Variants in PTPRG observed in about 807,000 individuals in gnomAD.
PTPRG encodes protein tyrosine phosphatase receptor type G.
A neutral mutation model predicts 165.3 loss-of-function variants in PTPRG; 102 were observed. The ratio of observed to expected loss-of-function variants is 0.62; its 90% CI spans 0.53 to 0.73. PTPRG has a LOEUF of 0.73. PTPRG is among the 30% of genes least tolerant of loss of function. The pLI is 0.00. For missense variants in PTPRG, 1,866 were observed against 1,861.4 expected, an observed-to-expected ratio of 1.00 and a Z score of -0.05; for synonymous variants, 675 against 669.5, an observed-to-expected ratio of 1.01 and a Z score of -0.13.
intron 1 of PTPRG, among the ~76,000 whole-genome samples, chr3:61,634,181 A>G (rs1354557158): frequency 6.6e-6 from 1 of 151,812 alleles, no homozygotes; most frequent in Non-Finnish European, 1.5e-5. Context: ...ATCTATATAC[A>G]TTAATTTCTT....
At chr3:62,227,049 G>A (rs1349417134) in intron 13 of PTPRG, among the ~76,000 whole-genome samples, 1 of 152,160 alleles carries the variant, frequency 6.6e-6, no homozygotes, top group Non-Finnish European at 1.5e-5. Flanking sequence ...GGGGATTTGT[G>A]TTGGCATAAT....
At chr3:61,587,058 C>T (rs954719804) in intron 1 of PTPRG, among the ~76,000 whole-genome samples, 2 of 152,136 alleles carry the variant, frequency 1.3e-5, no homozygotes, top group Non-Finnish European at 2.9e-5. Context: ...TTATGTTACT[C>T]ACAGCAGAAA....
At chr3:61,598,506 A>T (rs1329977384) in intron 1 of PTPRG, among the ~76,000 whole-genome samples, 1 of 152,016 alleles carries the variant, frequency 6.6e-6, no homozygotes, top group Non-Finnish European at 1.5e-5. Context: ...TAGAGTGAAG[A>T]GCTATAAGAC....
chr3:61,591,312 C>CT (rs1700563688), intron 1 of PTPRG, among the ~76,000 whole-genome samples: 1 of 152,180 alleles, frequency 6.6e-6, no homozygotes, highest in African/African-American at 2.4e-5. Context: ...AAGATTCAGT[C>CT]TCCATTAGCT....
rs1701482628 is a variant in PTPRG at position 62,254,140 on chromosome 3, C to T, written c.2468-984C>T. Among the ~76,000 whole-genome samples, 1 of 152,196 alleles carries T rather than the reference C, an allele frequency of 6.6e-6. No individual in the cohort carries two copies. Among genetic ancestry groups the T allele is most frequent in the Non-Finnish European group, 1.5e-5 (1 of 68,034 alleles). Reference sequence around the variant, plus strand: ...TCTTGCCAAAGTAGGACCTCATTTACACATACAGATCTTCATACCCTTTGC... The same window carrying T: ...TCTTGCCAAAGTAGGACCTCATTTATACATACAGATCTTCATACCCTTTGC... On this transcript the variant is annotated intron_variant, in intron 15 of 29. Transcript: ENST00000474889. The surrounding 1 kb of genome is among the most constrained non-coding windows in gnomAD (Gnocchi z 4.6).
chr3:62,194,696 G>C (rs926244371), intron 9 of PTPRG, among the ~76,000 whole-genome samples: 1 of 152,046 alleles, frequency 6.6e-6, no homozygotes, highest in Non-Finnish European at 1.5e-5. Context: ...CCAGCTACTC[G>C]GGAGGCTGAG....
intron 2 of PTPRG, among the ~76,000 whole-genome samples, chr3:61,918,244 G>A (rs1416393310): frequency 6.6e-6 from 1 of 152,076 alleles, no homozygotes; most frequent in Admixed American, 6.5e-5. Context: ...TGAAAGTGAG[G>A]CATTCTCAGG....
chr3:62,256,019 A>T (rs1479702747), intron 16 of PTPRG, among the ~76,000 whole-genome samples: 1 of 152,164 alleles, frequency 6.6e-6, no homozygotes, highest in Non-Finnish European at 1.5e-5. Flanking sequence ...CATCTCTGGC[A>T]GCAAGAGTTG....
chr3:61,681,846 G>C (rs1027009355), intron 1 of PTPRG, among the ~76,000 whole-genome samples: 2 of 152,068 alleles, frequency 1.3e-5, no homozygotes, highest in Admixed American at 1.3e-4. Context: ...TCATTTTCTT[G>C]ATGACTGAAA....
chr3:62,104,052 A>G (rs1217874999), intron 5 of PTPRG, among the ~76,000 whole-genome samples: 1 of 152,208 alleles, frequency 6.6e-6, no homozygotes, highest in African/African-American at 2.4e-5. Flanking sequence ...AGTATTAGGT[A>G]TATTTTTGTT....
chr3:61,856,443 A>T (rs1178848018), intron 2 of PTPRG, among the ~76,000 whole-genome samples: 2 of 152,180 alleles, frequency 1.3e-5, no homozygotes, highest in African/African-American at 4.8e-5. Context: ...TTACATGGAA[A>T]CGAAGCCCAC....
At position 62,281,552 on chromosome 3, in the gene PTPRG, G is replaced by A. The variant is rs200578048; in HGVS notation, c.3766-11G>A. The stretch of plus-strand genomic sequence containing the variant: ...AACTGCAGAGGCTTTTTTTTTTTTT[G>A]GATTCCAAAGGCAGAAGATGAGTTT... On this transcript the variant is annotated splice_polypyrimidine_tract_variant and intron_variant, in intron 26 of 29. Coordinates refer to ENST00000474889, the MANE Select transcript of PTPRG (RefSeq NM_002841.4). 2 of 199,900 alleles carry A rather than the reference G, an allele frequency of 1.0e-5. No homozygotes were observed. The highest frequency in any genetic ancestry group is 1.4e-5 in the Non-Finnish European group (2 of 145,278). The allele number at this position is 199,900 out of a possible 1,614,324, so 12.4% of individuals were successfully genotyped here. A position where few individuals can be genotyped will look rare whatever the true frequency, so the allele number is the denominator to read the frequency against.
intron 1 of PTPRG, among the ~76,000 whole-genome samples, chr3:61,589,856 T>C (rs956015383): frequency 2.0e-5 from 3 of 151,888 alleles, no homozygotes; most frequent in African/African-American, 7.3e-5. Context: ...AAAATGAAAG[T>C]CGAATATGGA....
chr3:62,086,944 C>T (rs115913636), intron 5 of PTPRG, among the ~76,000 whole-genome samples: 68 of 152,226 alleles, frequency 4.5e-4, no homozygotes, highest in African/African-American at 1.5e-3. Flanking sequence ...TAATTATTGG[C>T]GAAGCATTAC....
intron 4 of PTPRG, among the ~76,000 whole-genome samples, chr3:62,043,754 C>T (rs1340945013): frequency 6.6e-6 from 1 of 152,106 alleles, no homozygotes; most frequent in Non-Finnish European, 1.5e-5. Flanking sequence ...AAAGGATAGA[C>T]TCTTGAGTTC....
At chr3:62,038,829 A>G (rs549428707) in intron 4 of PTPRG, among the ~76,000 whole-genome samples, 1 of 152,286 alleles carries the variant, frequency 6.6e-6, no homozygotes, top group Non-Finnish European at 1.5e-5. Context: ...CTTCAGGAGT[A>G]CATGTGCAGG....
At chr3:61,694,027 G>GA (rs1191899839) in intron 1 of PTPRG, among the ~76,000 whole-genome samples, 2 of 115,400 alleles carry the variant, frequency 1.7e-5, no homozygotes, top group African/African-American at 2.9e-5. Context: ...AAAAAAAAAA[G>GA]AGAGAGAGAG....
intron 1 of PTPRG, among the ~76,000 whole-genome samples, chr3:61,563,606 C>T (rs991055320): frequency 3.9e-5 from 6 of 152,328 alleles, no homozygotes; most frequent in African/African-American, 1.2e-4. Flanking sequence ...CGTTTTTCTG[C>T]CCTCTCATCC....
At chr3:61,940,863 A>C (rs2039607091) in intron 2 of PTPRG, among the ~76,000 whole-genome samples, 1 of 151,822 alleles carries the variant, frequency 6.6e-6, no homozygotes, top group Non-Finnish European at 1.5e-5. Context: ...ATGGGGTTTC[A>C]CCGTGTTAGC....
Sources: allele counts gnomAD v4.1 joint callset (sites outside exome capture counted in the v4.1 genomes callset), GRCh38; gene constraint gnomAD v4.1.1; non-coding constraint Gnocchi (gnomAD v3.1); transcripts MANE v1.5; gene names NCBI Gene and HGNC (gene_info 2026-07-23, HGNC 2026-07-21).